Variants in GRID1 observed in about 807,000 individuals in gnomAD.
The protein encoded by GRID1 is glutamate ionotropic receptor delta type subunit 1.
In GRID1, 28 loss-of-function variants were observed where a neutral mutation model predicts 98.0. That is an observed-to-expected ratio of 0.29 (90% CI 0.21 to 0.39). GRID1 has a LOEUF of 0.39. GRID1 is among the 10% of genes least tolerant of loss of function. GRID1 has a pLI of 1.00. For synonymous variants in GRID1, 553 were observed against 538.5 expected (o/e 1.03, Z -0.37); for missense variants, 1,111 against 1,340.5 (o/e 0.83, Z 2.67).
intron 4 of GRID1, among the ~76,000 whole-genome samples, chr10:85,942,571 A>G (rs2131839175): frequency 6.6e-6 from 1 of 152,302 alleles, no homozygotes; most frequent in South Asian, 2.1e-4. Flanking sequence ...TCTCTTTTGC[A>G]TGGACCTGGC....
chr10:85,668,772 T>G (rs1162423284), intron 12 of GRID1, among the ~76,000 whole-genome samples: 1 of 152,220 alleles, frequency 6.6e-6, no homozygotes, highest in African/African-American at 2.4e-5. Context: ...AGTTCAGCAA[T>G]GGCAGTAAGA....
intron 3 of GRID1, among the ~76,000 whole-genome samples, chr10:86,141,528 C>A (rs1158480535): frequency 6.6e-6 from 1 of 152,242 alleles, no homozygotes; most frequent in Admixed American, 6.5e-5. Context: ...CGGCCACCCA[C>A]ACCAAAACCA....
At chr10:86,236,009 G>A (rs1318754145) in intron 2 of GRID1, among the ~76,000 whole-genome samples, 5 of 152,112 alleles carry the variant, frequency 3.3e-5, no homozygotes, top group South Asian at 2.1e-4. Flanking sequence ...TTGCATTCCC[G>A]CTGGCAGTGT....
At chr10:86,189,490 A>T (rs1845771170) in intron 3 of GRID1, among the ~76,000 whole-genome samples, 1 of 150,820 alleles carries the variant, frequency 6.6e-6, no homozygotes, top group African/African-American at 2.4e-5. Flanking sequence ...CAGCATCCCT[A>T]CCCTCTACAC....
At chr10:85,893,277 T>C (rs948089268) in intron 5 of GRID1, among the ~76,000 whole-genome samples, 1 of 152,132 alleles carries the variant, frequency 6.6e-6, no homozygotes, top group African/African-American at 2.4e-5. Context: ...TCTAACATCA[T>C]CATTAATGAT....
chr10:85,827,024 G>A (rs1590251381), intron 8 of GRID1, among the ~76,000 whole-genome samples: 1 of 152,218 alleles, frequency 6.6e-6, no homozygotes, highest in African/African-American at 2.4e-5. Context: ...CCACACAGTT[G>A]AGAAAGAACC....
intron 12 of GRID1, among the ~76,000 whole-genome samples, chr10:85,691,045 A>C (rs1462407658): frequency 6.6e-6 from 1 of 152,236 alleles, no homozygotes; most frequent in Non-Finnish European, 1.5e-5. Context: ...ATTAATTGAC[A>C]TAATCCACCA....
rs2132656157 is a variant in GRID1 at position 85,727,734 on chromosome 10, A to G, written c.1533+121T>C. ...ACAAAAGAGCCTTTGTGTGGGGAGA[A>G]TGGTAACTGTGGTCTGTTTAGCTGG... On this transcript the variant is annotated intron_variant, in intron 10 of 15. Transcript: ENST00000327946. 5.8e-6 allele frequency: 4 copies of G among 690,600 alleles called. No homozygotes were observed. In the East Asian group the frequency reaches 8.0e-5, roughly 14 times the overall value. 42.8% of individuals were successfully genotyped at this position (690,600 alleles called of 1,614,324 possible).
At chr10:86,304,469 C>T (rs886329034) in intron 2 of GRID1, among the ~76,000 whole-genome samples, 4 of 152,202 alleles carry the variant, frequency 2.6e-5, no homozygotes, top group African/African-American at 9.6e-5. Context: ...TGCTCCTGGA[C>T]CTCTGAGCAG....
chr10:85,858,014 C>T (rs1399857902), intron 6 of GRID1, among the ~76,000 whole-genome samples: 2 of 152,254 alleles, frequency 1.3e-5, no homozygotes, highest in African/African-American at 4.8e-5. Flanking sequence ...CAAGGCATCA[C>T]AAACATCTGC....
Position 85,749,619 on chromosome 10 carries a change from TACA to T in GRID1, c.1234-20008_1234-20006del, listed in dbSNP as rs551742240. ...AAGATCCAAATTCCCAAGCATAACCTACAACATTCTATACGATCTGACCACTGC... is the reference window on the plus strand; with the variant it reads ...AAGATCCAAATTCCCAAGCATAACCTACATTCTATACGATCTGACCACTGC... On this transcript the variant is annotated intron_variant, in intron 8 of 15. Transcript: ENST00000327946. Among the ~76,000 whole-genome samples, 19 of 152,286 alleles carry T rather than the reference TACA, an allele frequency of 1.2e-4. No individual in the cohort carries two copies. In the East Asian group the frequency reaches 3.7e-3, roughly 29 times the overall value.
At chr10:86,164,753 G>C (rs1333765275) in intron 3 of GRID1, among the ~76,000 whole-genome samples, 1 of 152,112 alleles carries the variant, frequency 6.6e-6, no homozygotes, top group Non-Finnish European at 1.5e-5. Flanking sequence ...AAAGCTGAAG[G>C]TTTGGCTTCC....
At chr10:85,853,578 C>T (rs966421832) in intron 8 of GRID1, among the ~76,000 whole-genome samples, 11 of 152,188 alleles carry the variant, frequency 7.2e-5, no homozygotes, top group Admixed American at 5.9e-4. Flanking sequence ...GTAGTCCCAT[C>T]TCTGGCCTCT....
At chr10:85,731,868 G>GAAGGGAGAAAGA (rs745787975) in intron 8 of GRID1, among the ~76,000 whole-genome samples, 6,869 of 142,346 alleles carry the variant, frequency 0.048, 379 homozygotes, top group African/African-American at 0.12. Context: ...AGGGAGGGAG[G>GAAGGGAGAAAGA]AAGGGATAAA....
At chr10:85,639,997 G>A (rs1843096199) in intron 13 of GRID1, among the ~76,000 whole-genome samples, 2 of 152,170 alleles carry the variant, frequency 1.3e-5, no homozygotes, top group Admixed American at 1.3e-4. Context: ...CTATACATTG[G>A]TATACTTGCA....
chr10:86,191,822 C>A lies in GRID1; in HGVS notation c.520+14542G>T, dbSNP rs182546694. ...CTCCACCTGTCCTCAACTCTGCCAGCACTTGTCAGTAGTTCCTCATGTTAA... is the reference window on the plus strand; with the variant it reads ...CTCCACCTGTCCTCAACTCTGCCAGAACTTGTCAGTAGTTCCTCATGTTAA... On this transcript the variant is annotated intron_variant, in intron 3 of 15. Transcript: ENST00000327946. 7.6e-4 allele frequency among the ~76,000 whole-genome samples: 116 copies of A among 152,306 alleles called. 1 individual carries two copies. In the East Asian group the frequency reaches 0.021, roughly 27 times the overall value.
chr10:85,626,558 C>G (rs1423061274), intron 13 of GRID1, among the ~76,000 whole-genome samples: 3 of 152,218 alleles, frequency 2.0e-5, no homozygotes, highest in African/African-American at 7.2e-5. Flanking sequence ...ATCAGGGACT[C>G]TTTGGAAACC....
chr10:86,174,657 A>C lies in GRID1; in HGVS notation c.520+31707T>G, dbSNP rs868624037. ...TTGACAAATAGGATCTAATTAAACT[A>C]AAGAGCTTCTGCACAGCAAAACAAA... On this transcript the variant is annotated intron_variant, in intron 3 of 15. Coordinates refer to ENST00000327946, the MANE Select transcript of GRID1 (RefSeq NM_017551.3). Among the ~76,000 whole-genome samples the C allele has an allele frequency of 1.1e-3, 173 of 151,896 alleles. 1 individual carries two copies. The highest frequency in any genetic ancestry group is 4.1e-3 in the African/African-American group (168 of 41,290).
intron 4 of GRID1, among the ~76,000 whole-genome samples, chr10:85,978,655 C>T (rs554995269): frequency 6.6e-6 from 1 of 152,194 alleles, no homozygotes; most frequent in East Asian, 1.9e-4. Context: ...CTACTACATG[C>T]TAGAAACACT....
Sources: allele counts gnomAD v4.1 joint callset (sites outside exome capture counted in the v4.1 genomes callset), GRCh38; gene constraint gnomAD v4.1.1; transcripts MANE v1.5; gene names NCBI Gene and HGNC (gene_info 2026-07-23, HGNC 2026-07-21).